IQSEC3: variants seen among roughly 807,000 people sequenced by gnomAD.
IQSEC3 encodes the protein IQ motif and SEC7 domain-containing protein 3.
Under a neutral mutation model 105.4 loss-of-function variants are expected in IQSEC3, and 50 were observed. The observed-to-expected ratio is 0.47, with a 90% confidence interval of 0.38 to 0.60. The LOEUF is 0.60. Ranked by LOEUF, IQSEC3 falls within the 20% of genes least tolerant of loss-of-function variation. The pLI is 0.00. For synonymous variants in IQSEC3, 708 were observed against 746.0 expected (o/e 0.95, Z 0.83); for missense variants, 1,415 against 1,630.0 (o/e 0.87, Z 2.27).
chr12:126,151 A>AG (rs1469393539), intron 3 of IQSEC3, among the ~76,000 whole-genome samples: 6 of 152,204 alleles, frequency 3.9e-5, no homozygotes, highest in Non-Finnish European at 8.8e-5. Context: ...CAGCACGTCC[A>AG]GGGGCTCTGC....
chr12:157,037 C>T lies in IQSEC3; in HGVS notation c.2166C>T (p.Asp722=), dbSNP rs782304437. The part of the protein sequence containing the change: ...FNRDVLDCVV[D]EMDFSSMELD... Reference sequence around the variant, plus strand: ...TGCCTGCCCTCAGCTGCGTGGTGGACGAGATGGACTTCTCCAGCATGGAGC... The same window carrying T: ...TGCCTGCCCTCAGCTGCGTGGTGGATGAGATGGACTTCTCCAGCATGGAGC... Residue 722 remains aspartate (D), a synonymous_variant, in exon 6 of 14, where the codon GAC becomes GAT. Coordinates refer to ENST00000538872, the MANE Select transcript of IQSEC3 (RefSeq NM_001170738.2). 1.6e-5 allele frequency: 25 copies of T among 1,602,720 alleles called. No individual in the cohort carries two copies. Among genetic ancestry groups the T allele is most frequent in the African/African-American group, 2.7e-5 (2 of 74,550 alleles).
At chr12:164,742 C>T (rs1867088556) in intron 9 of IQSEC3, 1 of 152,622 alleles carries the variant, frequency 6.6e-6, no homozygotes, top group African/African-American at 2.4e-5. Flanking sequence ...CTCCAGGGCT[C>T]AGCTCACAGA....
At chr12:113,444 G>A (rs1864956984) in intron 2 of IQSEC3, among the ~76,000 whole-genome samples, 1 of 152,240 alleles carries the variant, frequency 6.6e-6, no homozygotes, top group South Asian at 2.1e-4. Context: ...GGGCAACAGT[G>A]GAGCAGAGGC....
At chr12:95,323 A>G (rs1184763997) in intron 1 of IQSEC3, among the ~76,000 whole-genome samples, 1 of 152,214 alleles carries the variant, frequency 6.6e-6, no homozygotes, top group Non-Finnish European at 1.5e-5. Flanking sequence ...TTATTAGTCT[A>G]TGACCTATAG....
intron 1 of IQSEC3, among the ~76,000 whole-genome samples, chr12:83,593 G>A (rs1453203205): frequency 4.0e-5 from 6 of 151,736 alleles, no homozygotes; most frequent in Non-Finnish European, 7.4e-5. Flanking sequence ...AGAAGGGAAG[G>A]GGGGCCAGAG....
Position 175,369 on chromosome 12 carries a change from G to A in IQSEC3, c.*336G>A, listed in dbSNP as rs990006377. The A allele has an allele frequency of 3.5e-6, 1 of 285,280 alleles. No homozygotes were observed. The highest frequency in any genetic ancestry group is 2.2e-5 in the African/African-American group (1 of 45,980). The allele number at this position is 285,280 out of a possible 1,614,324, so 17.7% of individuals were successfully genotyped here. On this transcript the variant is annotated 3_prime_UTR_variant, in exon 14 of 14. Transcript: ENST00000538872. ...AGCTGAGGGTCTAACGAGCTTGCAG[G>A]CTTTGAGTCTGTTAGTGCCCGGGGC...
chr12:122,403 AGTGTGTGTGT>A (rs1488726340), intron 2 of IQSEC3, among the ~76,000 whole-genome samples: 1 of 152,090 alleles, frequency 6.6e-6, no homozygotes, highest in Non-Finnish European at 1.5e-5. Flanking sequence ...TGTGTGCGTG[AGTGTGTGTGT>A]ACATGAGTAT....
At chr12:107,413 T>TC (rs1318086707) in intron 2 of IQSEC3, among the ~76,000 whole-genome samples, 19 of 135,306 alleles carry the variant, frequency 1.4e-4, no homozygotes, top group South Asian at 2.6e-4. Context: ...TTTTTTTTTT[T>TC]TTTTTTTTTT....
chr12:115,450 T>C (rs1865019640), intron 2 of IQSEC3, among the ~76,000 whole-genome samples: 1 of 152,072 alleles, frequency 6.6e-6, no homozygotes, highest in Non-Finnish European at 1.5e-5. Context: ...GCACACATGA[T>C]TTGTGTGGGT....
chr12:92,342 G>T (rs950516057), intron 1 of IQSEC3, among the ~76,000 whole-genome samples: 1 of 152,064 alleles, frequency 6.6e-6, no homozygotes, highest in East Asian at 1.9e-4. Flanking sequence ...AGTTTCCTTC[G>T]GCCCCTCCAG....
Position 67,134 on chromosome 12 carries a change from TGCC to T in IQSEC3, c.262_264del (p.Ala88del), listed in dbSNP as rs1194771885. On this transcript the variant is annotated inframe_deletion, in exon 1 of 14. Transcript: ENST00000538872. ...TGCCGGCCGCTCCGGCCACCGCTCC[TGCC>T]GCCGCCGCCAGGGCCCAGGAACCTC... is the stretch of plus-strand genomic sequence containing the variant. 5.9e-6 allele frequency: 9 copies of T among 1,515,436 alleles called. No homozygotes were observed. The highest frequency in any genetic ancestry group is 4.1e-5 in the Admixed American group (2 of 48,862). 93.9% of individuals were successfully genotyped at this position (1,515,436 alleles called of 1,614,324 possible).
rs186990660 is a variant in IQSEC3, at chr12:166,958, G to A, written c.2971+1068G>A. ...GTTAGAAACTGTCATTTTCATTTAC[G>A]TTTGATTCTATACTTTCCACTGGAG... On this transcript the variant is annotated intron_variant, in intron 11 of 13. Transcript: ENST00000538872. 5.9e-5 allele frequency: 9 copies of A among 152,306 alleles called. No individual in the cohort carries two copies. In the East Asian group the frequency reaches 1.3e-3, roughly 23 times the overall value. The allele number at this position is 152,306 out of a possible 1,614,324, so 9.4% of individuals were successfully genotyped here.
chr12:152,905 T>G lies in IQSEC3; in HGVS notation c.2154-4120T>G, dbSNP rs1436953152. Among the ~76,000 whole-genome samples the G allele has an allele frequency of 6.6e-6, 1 of 152,128 alleles. No homozygotes were observed. The highest frequency in any genetic ancestry group is 1.5e-5 in the Non-Finnish European group (1 of 68,028). On this transcript the variant is annotated intron_variant, in intron 5 of 13. Coordinates refer to ENST00000538872, the MANE Select transcript of IQSEC3 (RefSeq NM_001170738.2). The surrounding 1 kb of genome is among the most constrained non-coding windows in gnomAD (Gnocchi z 4.8). ...TGTGTGGTGCTCTTTACCTTAAAGA[T>G]GACCAATGAGGAGAGATGACTCCAG...
At chr12:136,938 A>T (rs1262043426) in intron 3 of IQSEC3, among the ~76,000 whole-genome samples, 1 of 151,992 alleles carries the variant, frequency 6.6e-6, no homozygotes, top group African/African-American at 2.4e-5. Flanking sequence ...AGAGGAGAAA[A>T]CCCACGGACA....
chr12:83,850 C>A (rs1863831609), intron 1 of IQSEC3, among the ~76,000 whole-genome samples: 1 of 152,184 alleles, frequency 6.6e-6, no homozygotes, highest in Non-Finnish European at 1.5e-5. Flanking sequence ...ATTTATCCAA[C>A]CTTCCTTTCA....
chr12:71,818 T>A (rs3864935), intron 1 of IQSEC3, among the ~76,000 whole-genome samples: 1 of 152,026 alleles, frequency 6.6e-6, no homozygotes, highest in Non-Finnish European at 1.5e-5. Context: ...CTGCCTATCC[T>A]CTTGTTCTTC....
intron 2 of IQSEC3, among the ~76,000 whole-genome samples, chr12:107,534 C>G (rs185470751): frequency 0.033 from 4,978 of 151,468 alleles, 122 homozygotes; most frequent in Non-Finnish European, 0.048. Context: ...CTCAGCCTCC[C>G]GAGTAGCTGG....
chr12:99,945 G>A (rs554370299), intron 2 of IQSEC3, among the ~76,000 whole-genome samples: 6 of 76,022 alleles, frequency 7.9e-5, no homozygotes, highest in Admixed American at 1.6e-4. Flanking sequence ...CCCGCCCCCC[G>A]ATCTGTGTTC....
rs782144952 is a variant in IQSEC3, at chr12:169,076, A to G, written c.3035A>G (p.Asp1012Gly). ...LSFKPCGAQG[D>G]PQSKQGSPTA... Reference sequence around the variant, plus strand: ...TTCAAGCCCTGCGGAGCCCAGGGGGACCCACAGTCAAAGCAAGGATCGCCG... The same window carrying G: ...TTCAAGCCCTGCGGAGCCCAGGGGGGCCCACAGTCAAAGCAAGGATCGCCG... The change falls in exon 12 of 14, where the codon GAC becomes GGC. Residue 1012 changes from aspartate to glycine, a missense_variant. Around this residue, in one of 6 missense-constraint regions of IQSEC3, gnomAD observed 419 missense variants for 436.2 expected, o/e 0.96. Transcript: ENST00000538872. 2 of 1,613,852 alleles carry G rather than the reference A, an allele frequency of 1.2e-6. No individual in the cohort carries two copies. Among genetic ancestry groups the G allele is most frequent in the South Asian group, 2.2e-5 (2 of 91,068 alleles).
Sources: allele counts gnomAD v4.1 joint callset (sites outside exome capture counted in the v4.1 genomes callset), GRCh38; gene constraint gnomAD v4.1.1; regional missense constraint gnomAD v4.1.1; non-coding constraint Gnocchi (gnomAD v3.1); transcripts MANE v1.5; gene names NCBI Gene and HGNC (gene_info 2026-07-23, HGNC 2026-07-21).